TRIP4: variants seen among roughly 807,000 people sequenced by gnomAD.
The protein encoded by TRIP4 is thyroid hormone receptor interactor 4, also known as activating signal cointegrator 1.
A neutral mutation model predicts 81.8 loss-of-function variants in TRIP4; 54 were observed. The observed-to-expected ratio is 0.66, with a 90% CI of 0.53 to 0.83. TRIP4 has a LOEUF of 0.83. TRIP4 is among the 40% of genes least tolerant of loss of function. The pLI is 0.00. For missense variants in TRIP4, 662 were observed against 683.6 expected (o/e 0.97, Z 0.35); for synonymous variants, 270 against 242.8 (o/e 1.11, Z -1.04).
At chr15:64,416,058 T>C (rs543693815) in intron 8 of TRIP4, among the ~76,000 whole-genome samples, 2 of 152,160 alleles carry the variant, frequency 1.3e-5, no homozygotes, top group East Asian at 3.9e-4. Flanking sequence ...TAGAGAGTTA[T>C]TTAAAGACCA....
intron 1 of TRIP4, chr15:64,393,480 A>G (rs2140548661): frequency 6.6e-6 from 1 of 151,838 alleles, no homozygotes; most frequent in South Asian, 2.1e-4. Context: ...TTTATAAGTA[A>G]TTTTTATCAC....
In TRIP4 at chr15:64,399,886, G is replaced by A. The variant is rs542449487; in HGVS notation, c.619-857G>A. 6.0e-5 allele frequency among the ~76,000 whole-genome samples: 9 copies of A among 151,230 alleles called. No homozygotes were observed. The East Asian group carries it at 1.8e-3, about 30-fold the overall frequency. ...GCACTTTGGAAGGCTGAGTTGGGAG[G>A]ATGACTTGAGCCCGGGAGGTGGAGG... is the stretch of plus-strand genomic sequence containing the variant. On this transcript the variant is annotated intron_variant, in intron 4 of 12. Coordinates refer to ENST00000261884, the MANE Select transcript of TRIP4 (RefSeq NM_016213.5).
At chr15:64,454,054 G>C (rs536666779) in intron 12 of TRIP4, among the ~76,000 whole-genome samples, 2 of 151,912 alleles carry the variant, frequency 1.3e-5, no homozygotes, top group East Asian at 3.9e-4. Context: ...ATATTGAGAG[G>C]CAGTGATTAT....
chr15:64,450,700 G>A (rs1374545015), intron 12 of TRIP4: 1 of 455,950 alleles, frequency 2.2e-6, no homozygotes, highest in Non-Finnish European at 4.4e-6. Context: ...TGAATTCCTG[G>A]GAATATCCTG....
chr15:64,408,868 CA>C (rs1255007634), intron 6 of TRIP4, among the ~76,000 whole-genome samples: 2 of 151,998 alleles, frequency 1.3e-5, no homozygotes, highest in Admixed American at 6.6e-5. Flanking sequence ...TGAGAGCCTG[CA>C]AAGTGGGGTA....
chr15:64,394,318 CA>C (rs1900224082), intron 2 of TRIP4, among the ~76,000 whole-genome samples: 1 of 151,840 alleles, frequency 6.6e-6, no homozygotes, highest in African/African-American at 2.4e-5. Flanking sequence ...GAAAATATCA[CA>C]AAAAGGCCGG....
chr15:64,431,847 A>ATATATATATATATATATATATATATATTT, intron 11 of TRIP4, among the ~76,000 whole-genome samples: 5 of 119,556 alleles, frequency 4.2e-5, no homozygotes, highest in African/African-American at 1.6e-4. Flanking sequence ...ATATATATAT[A>ATATATATATATATATATATATATATATTT]TTTTTTTTAT....
At chr15:64,434,805 C>G (rs1183044178) in intron 11 of TRIP4, among the ~76,000 whole-genome samples, 1 of 152,094 alleles carries the variant, frequency 6.6e-6, no homozygotes, top group African/African-American at 2.4e-5. Context: ...AGAAAGTGGT[C>G]TATTTGATCT....
At chr15:64,450,424 GA>G (rs926238954) in intron 12 of TRIP4, among the ~76,000 whole-genome samples, 4 of 147,292 alleles carry the variant, frequency 2.7e-5, no homozygotes, top group Non-Finnish European at 4.5e-5. Context: ...AGAAAGAAAG[GA>G]AAAAAAAGAA....
chr15:64,396,298 A>G (rs1284069502), intron 3 of TRIP4, among the ~76,000 whole-genome samples: 3 of 87,090 alleles, frequency 3.4e-5, no homozygotes, highest in Admixed American at 1.8e-4. Context: ...TTTTTTTGAG[A>G]CGGAGTCTTG....
In TRIP4 at chr15:64,389,790, C is replaced by G. The variant is rs532156277; in HGVS notation, c.101+1826C>G. Among the ~76,000 whole-genome samples, 5 of 149,508 alleles carry G rather than the reference C, an allele frequency of 3.3e-5. No homozygotes were observed. In the South Asian group the frequency reaches 1.1e-3, roughly 31 times the overall value. On this transcript the variant is annotated intron_variant, in intron 1 of 12. Transcript: ENST00000261884. ...TGCGATCTCAGCTCGCTGCAACCTC[C>G]GCCTCCCACGTTCAAGCGATTCTCT... is the stretch of plus-strand genomic sequence containing the variant.
At chr15:64,435,395 A>G (rs1207321859) in intron 11 of TRIP4, among the ~76,000 whole-genome samples, 2 of 150,912 alleles carry the variant, frequency 1.3e-5, no homozygotes, top group African/African-American at 2.4e-5. Context: ...GCGTGGTGGC[A>G]TGTGCCTGTA....
chr15:64,400,779 G>C lies in TRIP4; in HGVS notation c.655G>C (p.Asp219His), dbSNP rs749130311. ...THEEQDILQR[D>H]SNKSQKLLKK... ...TGAGGAACAAGATATTTTACAGCGT[G>C]ACTCAAACAAGAGCCAGAAACTGCT... The change falls in exon 5 of 13, where the codon GAC becomes CAC. Residue 219 changes from aspartate to histidine, a missense_variant. Coordinates refer to ENST00000261884, the MANE Select transcript of TRIP4 (RefSeq NM_016213.5). The C allele has an allele frequency of 6.2e-7, 1 of 1,614,086 alleles. No homozygotes were observed.
intron 1 of TRIP4, among the ~76,000 whole-genome samples, chr15:64,392,112 TA>T (rs1325885776): frequency 2.1e-5 from 3 of 146,200 alleles, no homozygotes; most frequent in Non-Finnish European, 3.0e-5. Context: ...CCGTCTCTAC[TA>T]AAAAAAAGCA....
chr15:64,397,673 A>G lies in TRIP4; in HGVS notation c.473A>G (p.Gln158Arg). Residue 158 changes from glutamine to arginine, a missense_variant, in exon 4 of 13, where the codon CAG becomes CGG. Coordinates refer to ENST00000261884, the MANE Select transcript of TRIP4 (RefSeq NM_016213.5). ...GTCAATTTATACACAAGAGAGGGAC[A>G]GGACAGGCTTGCAGTCCTGCTCCCT... ...KFVNLYTREG[Q>R]DRLAVLLPGR... is the part of the protein sequence containing the mutation. The G allele has an allele frequency of 6.2e-7, 1 of 1,614,246 alleles. No individual in the cohort carries two copies. Among genetic ancestry groups the G allele is most frequent in the Non-Finnish European group, 8.5e-7 (1 of 1,180,056 alleles).
intron 11 of TRIP4, among the ~76,000 whole-genome samples, chr15:64,438,770 T>C (rs1892455377): frequency 6.6e-6 from 1 of 152,214 alleles, no homozygotes. Context: ...TGAGTTCTTT[T>C]ATGTGGAGGT....
At chr15:64,388,065 G>C (rs1168821615) in intron 1 of TRIP4, 101 bp downstream of exon 1, 3 of 1,429,880 alleles carry the variant, frequency 2.1e-6, no homozygotes, top group Non-Finnish European at 2.8e-6. Context: ...AGAGAAATGT[G>C]ATAAAGGGGC....
In TRIP4 at chr15:64,395,543, T is replaced by C; in HGVS notation, c.405+12T>C. The C allele has an allele frequency of 1.3e-6, 2 of 1,598,840 alleles. No individual in the cohort carries two copies. The highest frequency in any genetic ancestry group is 1.7e-6 in the Non-Finnish European group (2 of 1,172,136). On this transcript the variant is annotated intron_variant, in intron 3 of 12. Coordinates refer to ENST00000261884, the MANE Select transcript of TRIP4 (RefSeq NM_016213.5). ...TTGATTTGGCCAAGGTGAGTGCTTATAGATTGAAGCTTTTTCTGACTATTG... is the reference window on the plus strand; with the variant it reads ...TTGATTTGGCCAAGGTGAGTGCTTACAGATTGAAGCTTTTTCTGACTATTG...
At chr15:64,430,053 TAA>T (rs891509652) in intron 11 of TRIP4, among the ~76,000 whole-genome samples, 1 of 152,138 alleles carries the variant, frequency 6.6e-6, no homozygotes, top group Non-Finnish European at 1.5e-5. Flanking sequence ...TTAGTCCTCT[TAA>T]AAAAAGAAAA....
Sources: allele counts gnomAD v4.1 joint callset (sites outside exome capture counted in the v4.1 genomes callset), GRCh38; gene constraint gnomAD v4.1.1; transcripts MANE v1.5; gene names NCBI Gene and HGNC (gene_info 2026-07-23, HGNC 2026-07-21).